Variants in CAMTA1 observed in about 807,000 individuals in gnomAD.
The protein encoded by CAMTA1 is calmodulin-binding transcription activator 1.
CAMTA1 carries 27 observed loss-of-function variants against 170.9 expected under a neutral mutation model. The observed-to-expected ratio is 0.16, with a 90% CI of 0.12 to 0.22. The LOEUF is 0.22. CAMTA1 is among the 10% of genes least tolerant of loss of function. The probability of loss-of-function intolerance (pLI) is 1.00; values close to 1 mark genes in which losing one functional copy is unlikely to be tolerated. For missense variants in CAMTA1, 1,619 were observed against 2,217.2 expected, an observed-to-expected ratio of 0.73 and a Z score of 5.42; for synonymous variants, 833 against 891.5, an observed-to-expected ratio of 0.93 and a Z score of 1.17.
rs146720859 is a variant in CAMTA1, at chr1:7,639,328, C to G, written c.511-1072C>G. On this transcript the variant is annotated intron_variant, in intron 6 of 22. Transcript: ENST00000303635. ...GACTGAGAGATCTTTCCCAGAATACCTGTGGGCAGCTGGTGCCCAGAAGTT... is the reference window on the plus strand; with the variant it reads ...GACTGAGAGATCTTTCCCAGAATACGTGTGGGCAGCTGGTGCCCAGAAGTT... Among the ~76,000 whole-genome samples, 760 of 152,242 alleles carry G rather than the reference C, an allele frequency of 5.0e-3. 12 individuals are homozygous for G. The highest frequency in any genetic ancestry group is 0.018 in the African/African-American group (733 of 41,540).
intron 5 of CAMTA1, among the ~76,000 whole-genome samples, chr1:7,423,147 C>T (rs954774833): frequency 9.2e-5 from 14 of 152,176 alleles, no homozygotes; most frequent in Non-Finnish European, 2.1e-4. Flanking sequence ...GGGGCCTGGC[C>T]CCGGGCCAAG....
intron 4 of CAMTA1, among the ~76,000 whole-genome samples, chr1:7,145,107 G>A (rs2148643145): frequency 6.6e-6 from 1 of 152,300 alleles, no homozygotes; most frequent in African/African-American, 2.4e-5. Flanking sequence ...GGGGACGAGG[G>A]GCAGACTGAG....
At chr1:7,337,219 GGGACTAA>G (rs898705199) in intron 5 of CAMTA1, among the ~76,000 whole-genome samples, 69 of 152,302 alleles carry the variant, frequency 4.5e-4, no homozygotes, top group African/African-American at 1.6e-3. Context: ...GAGGGGGACG[GGGACTAA>G]GGACCTGTGT....
chr1:7,031,053 T>G (rs377124967), intron 3 of CAMTA1, among the ~76,000 whole-genome samples: 90 of 149,400 alleles, frequency 6.0e-4, no homozygotes, highest in Admixed American at 1.9e-3. Context: ...TCACCGTTGT[T>G]AGCCAGGATG....
At chr1:7,465,313 G>T (rs540298652) in intron 5 of CAMTA1, among the ~76,000 whole-genome samples, 9 of 152,316 alleles carry the variant, frequency 5.9e-5, no homozygotes, top group African/African-American at 1.9e-4. Flanking sequence ...GCTGAGCCAG[G>T]CAGCATGGAA....
chr1:6,939,156 C>T (rs971474150), intron 3 of CAMTA1, among the ~76,000 whole-genome samples: 1 of 152,136 alleles, frequency 6.6e-6, no homozygotes, highest in African/African-American at 2.4e-5. Flanking sequence ...GGTTCGTAAC[C>T]AGAGGAGCAG....
chr1:7,124,035 G>A (rs1644793737), intron 4 of CAMTA1, among the ~76,000 whole-genome samples: 1 of 152,166 alleles, frequency 6.6e-6, no homozygotes, highest in African/African-American at 2.4e-5. Context: ...GGTGGGTTGG[G>A]CTTGGGGGCA....
chr1:7,113,977 G>A lies in CAMTA1; in HGVS notation c.302+22606G>A, dbSNP rs1284065672. Among the ~76,000 whole-genome samples, 2 of 152,152 alleles carry A rather than the reference G, an allele frequency of 1.3e-5. No individual in the cohort carries two copies. Among genetic ancestry groups the A allele is most frequent in the Non-Finnish European group, 2.9e-5 (2 of 68,028 alleles). On this transcript the variant is annotated intron_variant, in intron 4 of 22. Coordinates refer to ENST00000303635, the MANE Select transcript of CAMTA1 (RefSeq NM_015215.4). The surrounding 1 kb of genome is among the most constrained non-coding windows in gnomAD (Gnocchi z 4.5). ...CCACTGTTTCGGATTCTTCAGGGCT[G>A]GCCTTCCCTCTTCACAGCCCCTCCC...
chr1:6,961,413 T>C (rs1241886550), intron 3 of CAMTA1, among the ~76,000 whole-genome samples: 1 of 152,042 alleles, frequency 6.6e-6, no homozygotes, highest in Non-Finnish European at 1.5e-5. Flanking sequence ...CGTGACCGTG[T>C]AGGGAATTGG....
At chr1:7,137,592 CT>C (rs1307426459) in intron 4 of CAMTA1, among the ~76,000 whole-genome samples, 2 of 152,212 alleles carry the variant, frequency 1.3e-5, no homozygotes, top group African/African-American at 4.8e-5. Context: ...ACATGGCTCC[CT>C]CTCTCGCACA....
intron 5 of CAMTA1, among the ~76,000 whole-genome samples, chr1:7,335,915 G>C (rs192013108): frequency 1.2e-3 from 190 of 152,226 alleles, no homozygotes; most frequent in African/African-American, 4.5e-3. Flanking sequence ...AGGCAGATTG[G>C]GTGTCTCAGA....
At chr1:7,439,439 G>A (rs1575332849) in intron 5 of CAMTA1, among the ~76,000 whole-genome samples, 2 of 152,210 alleles carry the variant, frequency 1.3e-5, no homozygotes, top group Middle Eastern at 3.4e-3. Flanking sequence ...CACGTCTCCC[G>A]GTCCAGCCCC....
At chr1:6,808,136 G>A (rs1045706287) in intron 1 of CAMTA1, among the ~76,000 whole-genome samples, 1 of 151,940 alleles carries the variant, frequency 6.6e-6, no homozygotes, top group Non-Finnish European at 1.5e-5. Flanking sequence ...GGTAAGCCTC[G>A]GAAAGTAGGT....
intron 3 of CAMTA1, among the ~76,000 whole-genome samples, chr1:6,886,499 T>C (rs1363877059): frequency 6.6e-6 from 1 of 152,260 alleles, no homozygotes; most frequent in East Asian, 1.9e-4. Context: ...CGCAGCATGC[T>C]CTTTTCAGTA....
intron 3 of CAMTA1, among the ~76,000 whole-genome samples, chr1:7,060,158 G>A (rs1161435968): frequency 6.6e-5 from 10 of 152,174 alleles, no homozygotes; most frequent in Admixed American, 5.2e-4. Context: ...AGTATGCTGT[G>A]GCTGCCATAA....
intron 4 of CAMTA1, among the ~76,000 whole-genome samples, chr1:7,199,997 TA>T (rs1656350727): frequency 6.6e-6 from 1 of 152,246 alleles, no homozygotes; most frequent in South Asian, 2.1e-4. Flanking sequence ...GAACTTTATA[TA>T]AATGACATTG....
chr1:6,861,652 A>G (rs761537326), intron 3 of CAMTA1, among the ~76,000 whole-genome samples: 24 of 152,136 alleles, frequency 1.6e-4, no homozygotes, highest in Non-Finnish European at 3.1e-4. Flanking sequence ...CAACTTTAAA[A>G]TTTTCTCATG....
intron 5 of CAMTA1, among the ~76,000 whole-genome samples, chr1:7,386,075 G>A (rs72853142): frequency 0.017 from 2,607 of 152,304 alleles, 76 homozygotes; most frequent in African/African-American, 0.06. Flanking sequence ...CCCAAAGGAA[G>A]TCTGGCTTCA....
intron 1 of CAMTA1, among the ~76,000 whole-genome samples, chr1:6,786,650 A>C (rs1413567408): frequency 6.6e-6 from 1 of 152,204 alleles, no homozygotes; most frequent in Non-Finnish European, 1.5e-5. Context: ...TTGCTGGGTT[A>C]GGGCGAGCTC....
Sources: gnomAD v4.1 joint callset for allele counts (sites outside exome capture counted in the v4.1 genomes callset) on GRCh38, gnomAD v4.1.1 for gene constraint, Gnocchi (gnomAD v3.1) non-coding constraint, MANE v1.5 for transcripts, NCBI Gene and HGNC (gene_info 2026-07-23, HGNC 2026-07-21) for gene names.